Variants in KLHL29 observed in about 807,000 individuals in gnomAD.
KLHL29 encodes the protein kelch like family member 29.
In KLHL29, 21 loss-of-function variants were observed where a neutral mutation model predicts 80.4. The observed-to-expected ratio is 0.26, with a 90% confidence interval of 0.19 to 0.38. The LOEUF is 0.38. Among genes scored for constraint, KLHL29 ranks in the 10% least tolerant of loss-of-function variants. The pLI, the probability that KLHL29 is intolerant of heterozygous loss-of-function variation, is 1.00. For synonymous variants in KLHL29, 511 were observed against 526.8 expected (o/e 0.97, Z 0.41); for missense variants, 867 against 1,223.9 (o/e 0.71, Z 4.35).
chr2:23,448,679 T>C (rs907246976), intron 1 of KLHL29, among the ~76,000 whole-genome samples: 1 of 152,160 alleles, frequency 6.6e-6, no homozygotes, highest in African/African-American at 2.4e-5. Flanking sequence ...TCAACCACCT[T>C]CTGGGGACCA....
intron 13 of KLHL29, among the ~76,000 whole-genome samples, chr2:23,705,420 AG>A (rs1672655940): frequency 6.6e-6 from 1 of 151,992 alleles, no homozygotes. Context: ...TGAACCTGGG[AG>A]GCGGAGGTTG....
intron 1 of KLHL29, among the ~76,000 whole-genome samples, chr2:23,406,770 A>G (rs913910223): frequency 2.0e-5 from 3 of 152,214 alleles, no homozygotes; most frequent in Admixed American, 1.3e-4. Context: ...CATGGGGTAG[A>G]TATGAGACTT....
At chr2:23,469,191 AG>A (rs1664430889) in intron 1 of KLHL29, among the ~76,000 whole-genome samples, 1 of 152,206 alleles carries the variant, frequency 6.6e-6, no homozygotes, top group African/African-American at 2.4e-5. Flanking sequence ...AATGCCCCTG[AG>A]GGCACCAAGG....
chr2:23,387,504 TTTATTA>T (rs34918880), intron 1 of KLHL29, among the ~76,000 whole-genome samples: 25,853 of 117,038 alleles, frequency 0.22, 2,667 homozygotes, highest in South Asian at 0.38. Flanking sequence ...TCATTCCTGA[TTTATTA>T]TTATTATTAT....
At chr2:23,507,189 G>T in intron 2 of KLHL29, 1 of 363,040 alleles carries the variant, frequency 2.8e-6, no homozygotes, top group Non-Finnish European at 6.3e-6. Context: ...AGCCTTCCTG[G>T]TGCAGGGACC....
At chr2:23,448,021 G>A (rs535633915) in intron 1 of KLHL29, among the ~76,000 whole-genome samples, 11 of 152,224 alleles carry the variant, frequency 7.2e-5, no homozygotes, top group Admixed American at 6.5e-4. Flanking sequence ...AGGATAGCTC[G>A]TGCATAGAAA....
chr2:23,452,519 G>A (rs541452999), intron 1 of KLHL29, among the ~76,000 whole-genome samples: 25 of 152,258 alleles, frequency 1.6e-4, no homozygotes, highest in African/African-American at 5.8e-4. Context: ...TGAGAAAAGT[G>A]ACATCTGCCT....
chr2:23,687,981 G>A (rs935895284), intron 6 of KLHL29, among the ~76,000 whole-genome samples: 1 of 152,130 alleles, frequency 6.6e-6, no homozygotes, highest in Non-Finnish European at 1.5e-5. Flanking sequence ...GGGCTTGGCT[G>A]CCCCCCATGG....
intron 3 of KLHL29, among the ~76,000 whole-genome samples, chr2:23,627,259 C>T (rs914044153): frequency 2.6e-5 from 4 of 152,188 alleles, no homozygotes; most frequent in Admixed American, 2.6e-4. Context: ...TCCTTTTAAA[C>T]ATCACTTTAA....
chr2:23,672,544 C>T (rs7588944), intron 5 of KLHL29: 92,336 of 152,550 alleles, frequency 0.61, 30,078 homozygotes, highest in East Asian at 0.93. Flanking sequence ...CCACTCCCGG[C>T]CCCTCAGCCC....
chr2:23,577,322 G>A lies in KLHL29; in HGVS notation c.285+14841G>A, dbSNP rs893894215. Among the ~76,000 whole-genome samples, 3 of 152,130 alleles carry A rather than the reference G, an allele frequency of 2.0e-5. No homozygotes were observed. The East Asian group carries it at 5.8e-4, about 29-fold the overall frequency. ...ACGAAATAGCCGGGCATGGTGGTAT[G>A]AGTCTTTAATCTCAGCTGCTCGGGA... is the stretch of plus-strand genomic sequence containing the variant. On this transcript the variant is annotated intron_variant, in intron 3 of 13. Coordinates refer to ENST00000486442, the MANE Select transcript of KLHL29 (RefSeq NM_052920.2).
At chr2:23,529,847 G>A (rs1055951523) in intron 2 of KLHL29, among the ~76,000 whole-genome samples, 4 of 152,184 alleles carry the variant, frequency 2.6e-5, no homozygotes, top group Admixed American at 1.3e-4. Flanking sequence ...AGCTCTGGTC[G>A]CAGCATGACA....
chr2:23,619,753 G>A (rs1043803242), intron 3 of KLHL29, among the ~76,000 whole-genome samples: 5 of 152,164 alleles, frequency 3.3e-5, no homozygotes, highest in African/African-American at 7.2e-5. Flanking sequence ...CGTCTGGGGC[G>A]CTGGTAAAGC....
intron 5 of KLHL29, among the ~76,000 whole-genome samples, chr2:23,663,211 G>C (rs1670463490): frequency 6.6e-6 from 1 of 152,238 alleles, no homozygotes; most frequent in Admixed American, 6.5e-5. Context: ...TTGCAGGCAC[G>C]AGGCGGGTGT....
At chr2:23,656,658 C>T (rs1357910774) in intron 5 of KLHL29, among the ~76,000 whole-genome samples, 28 of 152,160 alleles carry the variant, frequency 1.8e-4, no homozygotes, top group Admixed American at 1.8e-3. Flanking sequence ...CTGTGATGCC[C>T]GCTTAAGACT....
chr2:23,636,913 A>G (rs746326038), intron 3 of KLHL29, among the ~76,000 whole-genome samples: 2 of 152,072 alleles, frequency 1.3e-5, no homozygotes, highest in Non-Finnish European at 2.9e-5. Flanking sequence ...CTCCAGGGCA[A>G]GTTTCCAGAA....
rs138168071 is a variant in KLHL29 at position 23,435,730 on chromosome 2, A to G, written c.-153-39830A>G. Among the ~76,000 whole-genome samples, 1,099 of 152,288 alleles carry G rather than the reference A, an allele frequency of 7.2e-3. 20 individuals are homozygous for G. The highest frequency in any genetic ancestry group is 0.025 in the African/African-American group (1,053 of 41,560). ...TTTTTCAGGAAAGGAAGTAGAACAT[A>G]TTGTAAGCATAGTGCGATGGGATAG... On this transcript the variant is annotated intron_variant, in intron 1 of 13. Transcript: ENST00000486442.
rs1283603617 is a variant in KLHL29, at chr2:23,684,818, C to G, written c.1079+281C>G. Among the ~76,000 whole-genome samples the G allele has an allele frequency of 6.6e-6, 1 of 152,014 alleles. No homozygotes were observed. Among genetic ancestry groups the G allele is most frequent in the Non-Finnish European group, 1.5e-5 (1 of 67,916 alleles). On this transcript the variant is annotated intron_variant, in intron 6 of 13. Coordinates refer to ENST00000486442, the MANE Select transcript of KLHL29 (RefSeq NM_052920.2). The surrounding 1 kb of genome is among the most constrained non-coding windows in gnomAD (Gnocchi z 4.4). ...CAGCAGTAGACAACACCGTGCCCCA[C>G]CCCTGAGATCCCAGGTTCTCAGTGG...
chr2:23,491,784 T>A (rs1420669148), intron 2 of KLHL29, among the ~76,000 whole-genome samples: 1 of 152,126 alleles, frequency 6.6e-6, no homozygotes, highest in African/African-American at 2.4e-5. Context: ...CCGTGCGACC[T>A]CGCTGAACTC....
Sources: gnomAD v4.1 joint callset for allele counts (sites outside exome capture counted in the v4.1 genomes callset) on GRCh38, gnomAD v4.1.1 for gene constraint, Gnocchi (gnomAD v3.1) non-coding constraint, MANE v1.5 for transcripts, NCBI Gene and HGNC (gene_info 2026-07-23, HGNC 2026-07-21) for gene names.